Variants in PARVB observed in about 807,000 individuals in gnomAD.
PARVB encodes the protein beta-parvin.
In PARVB, 46 loss-of-function variants were observed where a neutral mutation model predicts 47.0. That is an observed-to-expected ratio of 0.98 (90% CI 0.77 to 1.25). The LOEUF (loss-of-function observed/expected upper bound fraction) is 1.25. Among genes scored for constraint, PARVB ranks in the 50% most tolerant of loss-of-function variants. The probability of loss-of-function intolerance (pLI) is 0.00; values close to 1 mark genes in which losing one functional copy is unlikely to be tolerated. For synonymous variants in PARVB, 196 were observed against 196.3 expected, an observed-to-expected ratio of 1.00 and a Z score of 0.01; for missense variants, 473 against 471.6, an observed-to-expected ratio of 1.00 and a Z score of -0.03.
At chr22:44,127,353 G>A (rs2053209471) in intron 4 of PARVB, among the ~76,000 whole-genome samples, 1 of 152,094 alleles carries the variant, frequency 6.6e-6, no homozygotes, top group Admixed American at 6.6e-5. Flanking sequence ...TTGTTACACT[G>A]AAATGACATA....
At chr22:44,028,011 G>A (rs1284628334) in intron 1 of PARVB, among the ~76,000 whole-genome samples, 3 of 151,048 alleles carry the variant, frequency 2.0e-5, no homozygotes, top group East Asian at 1.9e-4. Context: ...GGTTTACAGC[G>A]AAATCTAGCA....
At chr22:44,016,165 C>T (rs111766259) in intron 2 of PARVB, among the ~76,000 whole-genome samples, 2,067 of 146,562 alleles carry the variant, frequency 0.014, 53 homozygotes, top group African/African-American at 0.05. Context: ...GGCGTGATCT[C>T]GGCTCACTGC....
intron 10 of PARVB, among the ~76,000 whole-genome samples, chr22:44,154,222 A>T (rs1322784334): frequency 6.6e-6 from 1 of 152,232 alleles, no homozygotes; most frequent in Non-Finnish European, 1.5e-5. Flanking sequence ...CCCCCCGATT[A>T]ATCGTACTAT....
At chr22:44,002,286 C>G (rs535450634) in intron 2 of PARVB, among the ~76,000 whole-genome samples, 1 of 152,250 alleles carries the variant, frequency 6.6e-6, no homozygotes, top group Non-Finnish European at 1.5e-5. Context: ...CTAATTTTTT[C>G]AGCTTTCGGG....
chr22:44,171,031 G>A lies in PARVB; in HGVS notation c.*2353G>A, dbSNP rs973835578. The A allele has an allele frequency of 1.3e-5, 2 of 152,270 alleles. No individual in the cohort carries two copies. The highest frequency in any genetic ancestry group is 1.3e-4 in the Admixed American group (2 of 15,288). 9.4% of individuals were successfully genotyped at this position (152,270 alleles called of 1,614,324 possible). ...TACGGTGTCTCTTGCGGGATGCAGT[G>A]ACATTCAAAAGCCACACTGACAAAA... is the stretch of plus-strand genomic sequence containing the variant. On this transcript the variant is annotated 3_prime_UTR_variant, in exon 13 of 13. Transcript: ENST00000338758.
intron 1 of PARVB, among the ~76,000 whole-genome samples, chr22:44,088,776 T>A (rs1859226250): frequency 6.6e-6 from 1 of 152,130 alleles, no homozygotes; most frequent in Non-Finnish European, 1.5e-5. Flanking sequence ...CCGGCCTCCC[T>A]CAGACTTGTT....
intron 1 of PARVB, among the ~76,000 whole-genome samples, chr22:44,076,973 A>T (rs1306195699): frequency 2.0e-5 from 3 of 151,858 alleles, no homozygotes; most frequent in African/African-American, 4.8e-5. Context: ...ATATCACATG[A>T]TGTGTGGCCT....
intron 3 of PARVB, among the ~76,000 whole-genome samples, chr22:44,116,480 C>A (rs1293958998): frequency 6.6e-6 from 1 of 152,238 alleles, no homozygotes; most frequent in Non-Finnish European, 1.5e-5. Flanking sequence ...GCCCTCAAGG[C>A]AGAGGCCTCG....
At chr22:44,058,755 C>T (rs1483456318) in intron 1 of PARVB, among the ~76,000 whole-genome samples, 1 of 151,856 alleles carries the variant, frequency 6.6e-6, no homozygotes, top group East Asian at 1.9e-4. Context: ...GGGTTTCACT[C>T]TGTTGCGCAG....
At chr22:44,079,800 C>T (rs1391980645) in intron 1 of PARVB, among the ~76,000 whole-genome samples, 7 of 152,108 alleles carry the variant, frequency 4.6e-5, no homozygotes, top group South Asian at 2.1e-4. Context: ...TGGTGGTGGG[C>T]GCCTGTAATC....
At chr22:44,051,219 T>A (rs1420810664) in intron 1 of PARVB, among the ~76,000 whole-genome samples, 1 of 152,260 alleles carries the variant, frequency 6.6e-6, no homozygotes, top group African/African-American at 2.4e-5. Flanking sequence ...CAAAGACTTG[T>A]GCTCTGCAGC....
chr22:44,067,665 C>T (rs1208902983), intron 1 of PARVB, among the ~76,000 whole-genome samples: 1 of 152,238 alleles, frequency 6.6e-6, no homozygotes, highest in East Asian at 1.9e-4. Context: ...GTTTGCTGTC[C>T]TGGCCTTGGA....
chr22:44,114,717 A>G (rs527579145), intron 3 of PARVB: 6 of 116,248 alleles, frequency 5.2e-5, no homozygotes, highest in Admixed American at 3.9e-4. Context: ...ATACGTTGTT[A>G]CTAAGTAAGG....
intron 12 of PARVB, among the ~76,000 whole-genome samples, chr22:44,165,951 C>T (rs1171193790): frequency 6.6e-6 from 1 of 152,192 alleles, no homozygotes; most frequent in African/African-American, 2.4e-5. Flanking sequence ...TTGCTCATGT[C>T]CACTGTGGGC....
In PARVB at chr22:44,125,523, C is replaced by G. The variant is rs765126238; in HGVS notation, c.377-5964C>G. ...GGAAGCTCCTCTGGGGAGGCGACATCTGAGCACATGTCTGCACAGTGAGCT... is the reference window on the plus strand; with the variant it reads ...GGAAGCTCCTCTGGGGAGGCGACATGTGAGCACATGTCTGCACAGTGAGCT... On this transcript the variant is annotated intron_variant, in intron 4 of 12. Transcript: ENST00000338758. The surrounding 1 kb of genome is among the most constrained non-coding windows in gnomAD (Gnocchi z 4.1). Among the ~76,000 whole-genome samples the G allele has an allele frequency of 5.3e-5, 8 of 152,154 alleles. No individual in the cohort carries two copies. The highest frequency in any genetic ancestry group is 1.0e-4 in the Non-Finnish European group (7 of 68,028).
chr22:44,088,296 C>A (rs1043745946), intron 1 of PARVB, among the ~76,000 whole-genome samples: 3 of 151,940 alleles, frequency 2.0e-5, no homozygotes, highest in Admixed American at 6.6e-5. Context: ...AGGGGAACAC[C>A]CAGGAGGGCT....
intron 10 of PARVB, among the ~76,000 whole-genome samples, chr22:44,154,198 A>T (rs928577550): frequency 2.7e-5 from 4 of 150,506 alleles, no homozygotes; most frequent in Non-Finnish European, 1.5e-5. Context: ...TTTACTCAAT[A>T]TCTTCATTTT....
At chr22:44,024,011 A>C (rs960539762), upstream of PARVB, among the ~76,000 whole-genome samples, 1 of 152,174 alleles carries the variant, frequency 6.6e-6, no homozygotes, top group Non-Finnish European at 1.5e-5. Flanking sequence ...CCCACGTGGC[A>C]ATGGTGTCTG....
In PARVB at chr22:44,101,494, A is replaced by G. The variant is rs951122122; in HGVS notation, c.273+1371A>G. 2.6e-5 allele frequency among the ~76,000 whole-genome samples: 4 copies of G among 152,120 alleles called. No homozygotes were observed. The South Asian group carries it at 8.3e-4, about 31-fold the overall frequency. On this transcript the variant is annotated intron_variant, in intron 3 of 12. Transcript: ENST00000338758. ...ACCGGGCGCAGTGGCTCATGCCTGT[A>G]ATCCCAGTACTTTGGGAGGCCAAGG...
Sources: gnomAD v4.1 joint callset for allele counts (sites outside exome capture counted in the v4.1 genomes callset) on GRCh38, gnomAD v4.1.1 for gene constraint, Gnocchi (gnomAD v3.1) non-coding constraint, MANE v1.5 for transcripts, NCBI Gene and HGNC (gene_info 2026-07-23, HGNC 2026-07-21) for gene names.